ENPP2: variants seen among roughly 807,000 people sequenced by gnomAD.
ENPP2 encodes autotaxin.
ENPP2 carries 51 observed loss-of-function variants against 120.2 expected under a neutral mutation model. The observed-to-expected ratio is 0.42, with a 90% CI of 0.34 to 0.54. The LOEUF (loss-of-function observed/expected upper bound fraction) is 0.54, where lower values mean the gene tolerates loss of function less well. Among genes scored for constraint, ENPP2 ranks in the 20% least tolerant of loss-of-function variants. The pLI is 0.04. For missense variants in ENPP2, 920 were observed against 1,066.5 expected (o/e 0.86, Z 1.91); for synonymous variants, 365 against 366.4 (o/e 1.00, Z 0.04).
intron 9 of ENPP2, among the ~76,000 whole-genome samples, chr8:119,604,012 CTTTTT>C (rs35136821): frequency 1.4e-4 from 19 of 136,580 alleles, no homozygotes; most frequent in Middle Eastern, 3.8e-3. Context: ...CAATCTCTCT[CTTTTT>C]TTTTTTTTTT....
chr8:119,584,032 T>A lies in ENPP2; in HGVS notation c.1385A>T (p.Tyr462Phe). The A allele has an allele frequency of 6.2e-7, 1 of 1,610,476 alleles. No homozygotes were observed. Among genetic ancestry groups the A allele is most frequent in the Non-Finnish European group, 8.5e-7 (1 of 1,176,836 alleles). Reference sequence around the variant, plus strand: ...AAAGCATTTTCCTGATGGTTTCTTATAAACATCCAAAGGTTTCCTAAATTG... The same window carrying A: ...AAAGCATTTTCCTGATGGTTTCTTAAAAACATCCAAAGGTTTCCTAAATTG... ...WHVARKPLDV[Y>F]KKPSGKCFFQ... The change falls in exon 16 of 25, where the codon TAT becomes TTT. Residue 462 changes from tyrosine (Y) to phenylalanine (F), a missense_variant. Physicochemically the swap from Tyr to Phe is conservative, Grantham distance 22. Coordinates refer to ENST00000075322, the MANE Select transcript of ENPP2 (RefSeq NM_001040092.3).
At chr8:119,671,850 A>C (rs996217612) in intron 1 of ENPP2, among the ~76,000 whole-genome samples, 1 of 152,202 alleles carries the variant, frequency 6.6e-6, no homozygotes, top group African/African-American at 2.4e-5. Context: ...AGTGCACACA[A>C]ACACTTATGA....
intron 24 of ENPP2, among the ~76,000 whole-genome samples, chr8:119,558,958 C>A (rs1350873746): frequency 6.6e-6 from 1 of 152,172 alleles, no homozygotes; most frequent in Non-Finnish European, 1.5e-5. Context: ...ACTGCAGCAG[C>A]TTGTGCCAGT....
chr8:119,600,691 G>A lies in ENPP2; in HGVS notation c.959C>T (p.Pro320Leu). Residue 320 changes from proline to leucine, a missense_variant, in exon 11 of 25, where the codon CCT becomes CTT. By Grantham distance (98) the Pro-to-Leu change is moderately conservative (BLOSUM62 -3). Coordinates refer to ENST00000075322, the MANE Select transcript of ENPP2 (RefSeq NM_001040092.3). ...TAAACCACTAACCTCAGGGCCGAAA[G>A]GGCCATATTTGTGTCCAGAGAAATC... ...QPDFSGHKYG[P>L]FGPEMTNPLR... The A allele has an allele frequency of 6.2e-7, 1 of 1,610,686 alleles. No individual in the cohort carries two copies. The highest frequency in any genetic ancestry group is 8.5e-7 in the Non-Finnish European group (1 of 1,176,920).
chr8:119,600,656 AG>A, intron 11 of ENPP2, 21 bp downstream of exon 11: 1 of 1,508,798 alleles, frequency 6.6e-7, no homozygotes, highest in Middle Eastern at 1.7e-4. Flanking sequence ...GATTCTTCTC[AG>A]GCAGATGCTA....
intron 1 of ENPP2, among the ~76,000 whole-genome samples, chr8:119,658,330 G>A (rs1817826073): frequency 6.6e-6 from 1 of 152,170 alleles, no homozygotes; most frequent in African/African-American, 2.4e-5. Flanking sequence ...GAGTGCAGTG[G>A]TGCAATCATA....
chr8:119,569,490 AT>A, intron 20 of ENPP2, 120 bp from the exon 21 acceptor site: 2 of 890,358 alleles, frequency 2.2e-6, no homozygotes, highest in Non-Finnish European at 3.2e-6. Context: ...CCTTTTTTAA[AT>A]TTTTTATCTT....
intron 3 of ENPP2, among the ~76,000 whole-genome samples, chr8:119,623,671 G>A (rs1333994083): frequency 6.6e-6 from 1 of 151,888 alleles, no homozygotes; most frequent in Admixed American, 6.6e-5. Flanking sequence ...TGTCGCCTGG[G>A]CTAGAGTGCA....
intron 1 of ENPP2, among the ~76,000 whole-genome samples, chr8:119,661,216 T>A (rs1817911021): frequency 6.6e-6 from 1 of 152,008 alleles, no homozygotes; most frequent in South Asian, 2.1e-4. Flanking sequence ...ACCTCATGCT[T>A]GTGGGGCTTA....
chr8:119,662,204 G>C lies in ENPP2; in HGVS notation c.21+11048C>G, dbSNP rs114043345. Among the ~76,000 whole-genome samples the C allele has an allele frequency of 2.7e-3, 418 of 152,186 alleles. 4 individuals carry two copies. Among genetic ancestry groups the C allele is most frequent in the African/African-American group, 9.4e-3 (389 of 41,520 alleles). On this transcript the variant is annotated intron_variant, in intron 1 of 25. Transcript: ENST00000427067. ...TAAATATTCTCATCACCAATGATAA[G>C]GATGTGAGGTGATAAACTAATGTTA...
chr8:119,662,587 T>C (rs944290096), intron 1 of ENPP2, among the ~76,000 whole-genome samples: 1 of 152,224 alleles, frequency 6.6e-6, no homozygotes, highest in Admixed American at 6.5e-5. Flanking sequence ...TACATATTTC[T>C]ATTTCTAATA....
chr8:119,629,195 G>C lies in ENPP2; in HGVS notation c.137-2475C>G, dbSNP rs546402662. Among the ~76,000 whole-genome samples the C allele has an allele frequency of 7.2e-5, 11 of 151,752 alleles. No individual in the cohort carries two copies. The South Asian group carries it at 8.3e-4, about 12-fold the overall frequency. On this transcript the variant is annotated intron_variant, in intron 2 of 24. Coordinates refer to ENST00000075322, the MANE Select transcript of ENPP2 (RefSeq NM_001040092.3). ...TGTACAAAATATATACCGTATAATA[G>C]ATGTGTGTGTGGGTATGTATATATA...
upstream of ENPP2, among the ~76,000 whole-genome samples, chr8:119,640,082 G>A (rs188620036): frequency 7.9e-5 from 12 of 152,240 alleles, no homozygotes; most frequent in Admixed American, 7.8e-4. Flanking sequence ...GCAAAAACTT[G>A]TTTATAGGGG....
chr8:119,628,546 G>A (rs570353296), intron 2 of ENPP2, among the ~76,000 whole-genome samples: 61 of 152,246 alleles, frequency 4.0e-4, no homozygotes, highest in African/African-American at 1.4e-3. Context: ...ATATCCATAA[G>A]TGGACTATTG....
At chr8:119,573,322 GC>G (rs1198684371) in intron 19 of ENPP2, among the ~76,000 whole-genome samples, 3 of 149,722 alleles carry the variant, frequency 2.0e-5, no homozygotes, top group Non-Finnish European at 3.0e-5. Context: ...CAGGAGAATC[GC>G]TTGAACCCAG....
chr8:119,610,019 G>A (rs1288186894), intron 8 of ENPP2, among the ~76,000 whole-genome samples: 2 of 152,158 alleles, frequency 1.3e-5, no homozygotes, highest in African/African-American at 4.8e-5. Context: ...CACTGGAAGA[G>A]GTCTTTACAG....
Position 119,569,335 on chromosome 8 carries a change from A to G in ENPP2, c.1953T>C (p.Ser651=), listed in dbSNP as rs778327096. The G allele has an allele frequency of 3.0e-5, 49 of 1,613,984 alleles. No homozygotes were observed. The highest frequency in any genetic ancestry group is 4.2e-5 in the Non-Finnish European group (49 of 1,180,022). Reference sequence around the variant, plus strand: ...AAACACGGACATCAGGCCGGACGCAACTGGTCAGATGGTCAGGAACGCTGG... The same window carrying G: ...AAACACGGACATCAGGCCGGACGCAGCTGGTCAGATGGTCAGGAACGCTGG... The part of the protein sequence containing the change: ...EVSSVPDHLT[S]CVRPDVRVSP... Residue 651 remains serine, a synonymous_variant, in exon 21 of 25, where the codon AGT becomes AGC. Coordinates refer to ENST00000075322, the MANE Select transcript of ENPP2 (RefSeq NM_001040092.3).
intron 9 of ENPP2, among the ~76,000 whole-genome samples, chr8:119,604,913 A>G (rs767207946): frequency 4.6e-5 from 7 of 151,942 alleles, no homozygotes; most frequent in Non-Finnish European, 8.8e-5. Flanking sequence ...AGCTGGGATT[A>G]CAGGCGCCCA....
chr8:119,569,262 T>C lies in ENPP2; in HGVS notation c.2026A>G (p.Met676Val), dbSNP rs371899853. Residue 676 changes from methionine (M) to valine (V), a missense_variant, in exon 21 of 25, where the codon ATG becomes GTG. By Grantham distance (21) the Met-to-Val change is conservative (BLOSUM62 1). Coordinates refer to ENST00000075322, the MANE Select transcript of ENPP2 (RefSeq NM_001040092.3). ...NCLAYKNDKQMSYGFLFPPYL... is the reference protein window; with the variant it reads ...NCLAYKNDKQVSYGFLFPPYL... ...GGAGGAAAGAGGAATCCGTAGGACATCTGCTTATCATTTTTGTAGGCCAAA... is the reference window on the plus strand; with the variant it reads ...GGAGGAAAGAGGAATCCGTAGGACACCTGCTTATCATTTTTGTAGGCCAAA... The C allele has an allele frequency of 3.1e-6, 5 of 1,614,080 alleles. No homozygotes were observed. The South Asian group carries it at 4.4e-5, about 14-fold the overall frequency.
Sources: gnomAD v4.1 joint callset for allele counts (sites outside exome capture counted in the v4.1 genomes callset) on GRCh38, gnomAD v4.1.1 for gene constraint, MANE v1.5 for transcripts, NCBI Gene and HGNC (gene_info 2026-07-23, HGNC 2026-07-21) for gene names.